AKT3: variants seen among roughly 807,000 people sequenced by gnomAD.
AKT3 encodes the protein RAC-gamma serine/threonine-protein kinase.
In AKT3, 15 loss-of-function variants were observed where a neutral mutation model predicts 65.3. The observed-to-expected ratio is 0.23, with a 90% CI of 0.15 to 0.35. The LOEUF is 0.35. Ranked by LOEUF, AKT3 falls within the 10% of genes least tolerant of loss-of-function variation. The pLI, the probability that AKT3 is intolerant of heterozygous loss-of-function variation, is 1.00. For synonymous variants in AKT3, 206 were observed against 183.8 expected (o/e 1.12, Z -0.98); for missense variants, 243 against 576.5 (o/e 0.42, Z 5.92).
At chr1:243,577,428 T>G (rs1675022483) in intron 8 of AKT3, among the ~76,000 whole-genome samples, 1 of 152,132 alleles carries the variant, frequency 6.6e-6, no homozygotes, top group Non-Finnish European at 1.5e-5. Flanking sequence ...ATTACAGGCA[T>G]GAGCCACTGC....
chr1:243,547,714 T>C (rs981438924), intron 11 of AKT3, among the ~76,000 whole-genome samples: 1 of 152,178 alleles, frequency 6.6e-6, no homozygotes, highest in African/African-American at 2.4e-5. Flanking sequence ...GAATTCTGGT[T>C]ATTAGATCTA....
chr1:243,681,054 G>C (rs1435219119), intron 3 of AKT3, among the ~76,000 whole-genome samples: 1 of 152,044 alleles, frequency 6.6e-6, no homozygotes, highest in African/African-American at 2.4e-5. Flanking sequence ...GTAGGAATAT[G>C]GAAAAAGCAC....
chr1:243,668,733 C>A (rs1455527007), intron 3 of AKT3, among the ~76,000 whole-genome samples: 1 of 152,114 alleles, frequency 6.6e-6, no homozygotes, highest in Non-Finnish European at 1.5e-5. Context: ...TTAAGCAAGG[C>A]TGTACTTTAA....
intron 2 of AKT3, among the ~76,000 whole-genome samples, chr1:243,813,920 T>C (rs990199810): frequency 6.6e-6 from 1 of 152,002 alleles, no homozygotes; most frequent in African/African-American, 2.4e-5. Flanking sequence ...GCCTGGACAA[T>C]CTAGTGAGAC....
intron 2 of AKT3, among the ~76,000 whole-genome samples, chr1:243,835,331 G>A (rs1190509676): frequency 6.6e-6 from 1 of 152,116 alleles, no homozygotes; most frequent in Non-Finnish European, 1.5e-5. Flanking sequence ...TATTTTGAGG[G>A]TGGAGAGTGG....
At chr1:243,790,013 T>C (rs1691513632) in intron 2 of AKT3, among the ~76,000 whole-genome samples, 1 of 152,202 alleles carries the variant, frequency 6.6e-6, no homozygotes, top group African/African-American at 2.4e-5. Context: ...GGCTCTCTTT[T>C]TCCACTGATA....
intron 3 of AKT3, among the ~76,000 whole-genome samples, chr1:243,675,795 G>C (rs548548842): frequency 6.6e-6 from 1 of 151,960 alleles, no homozygotes; most frequent in African/African-American, 2.4e-5. Flanking sequence ...GACTTGCCTG[G>C]TTTTACTACC....
At chr1:243,664,956 G>GT in intron 3 of AKT3, 73 bp from the exon 4 acceptor site, 13 of 818,066 alleles carry the variant, frequency 1.6e-5, no homozygotes, top group Non-Finnish European at 2.1e-5. Flanking sequence ...GAGAACTACA[G>GT]AGTTCTATTT....
At chr1:243,663,160 T>C (rs1003356694) in intron 4 of AKT3, among the ~76,000 whole-genome samples, 2 of 152,242 alleles carry the variant, frequency 1.3e-5, no homozygotes, top group Admixed American at 6.5e-5. Context: ...CTGTCAAGAA[T>C]CTTCAAGTTT....
At chr1:243,645,570 C>G (rs1022003523) in intron 5 of AKT3, among the ~76,000 whole-genome samples, 1 of 152,060 alleles carries the variant, frequency 6.6e-6, no homozygotes, top group East Asian at 1.9e-4. Context: ...AACAAATCAT[C>G]AGGGAAAACA....
chr1:243,553,663 A>AT (rs1372409800), intron 10 of AKT3, among the ~76,000 whole-genome samples: 2 of 152,130 alleles, frequency 1.3e-5, no homozygotes, highest in Non-Finnish European at 2.9e-5. Flanking sequence ...ATGTCCTTAA[A>AT]TTTTTCCCAA....
chr1:243,495,838 T>G (rs1287428290), downstream of AKT3, among the ~76,000 whole-genome samples: 2 of 152,194 alleles, frequency 1.3e-5, no homozygotes, highest in African/African-American at 2.4e-5. Flanking sequence ...ATTTGGCAGC[T>G]TAATTCCGTA....
chr1:243,589,579 T>C (rs1238899511), intron 8 of AKT3, among the ~76,000 whole-genome samples: 1 of 152,132 alleles, frequency 6.6e-6, no homozygotes, highest in Non-Finnish European at 1.5e-5. Context: ...TGTGCACTGT[T>C]GGTGGGAATG....
Position 243,500,692 on chromosome 1 carries a change from C to CTCA in AKT3, c.*4554_*4556dup, listed in dbSNP as rs1436998882. ...CCTGCCTGGCCAGCGAGCCATCATC[C>CTCA]TCATCACCATCTCAACACAGAGCTG... On this transcript the variant is annotated 3_prime_UTR_variant, in exon 14 of 14. Transcript: ENST00000673466. The CTCA allele has an allele frequency of 4.3e-6, 1 of 229,994 alleles. No homozygotes were observed. The highest frequency in any genetic ancestry group is 8.6e-6 in the Non-Finnish European group (1 of 116,164). 14.2% of individuals were successfully genotyped at this position (229,994 alleles called of 1,614,324 possible).
At chr1:243,634,905 AGAAG>A (rs1679869335) in intron 6 of AKT3, among the ~76,000 whole-genome samples, 1 of 151,966 alleles carries the variant, frequency 6.6e-6, no homozygotes, top group East Asian at 1.9e-4. Flanking sequence ...CCAGAAAGAA[AGAAG>A]TAAGGCAACG....
intron 8 of AKT3, among the ~76,000 whole-genome samples, chr1:243,593,998 G>A (rs1374836033): frequency 1.3e-5 from 2 of 152,050 alleles, no homozygotes; most frequent in Non-Finnish European, 2.9e-5. Context: ...AAACAAGAAT[G>A]GAAGTAAAAC....
intron 2 of AKT3, among the ~76,000 whole-genome samples, chr1:243,820,317 C>T (rs1267630682): frequency 1.3e-5 from 2 of 152,154 alleles, no homozygotes; most frequent in African/African-American, 2.4e-5. Context: ...CCTCAAAGAT[C>T]GAAGCTGGAT....
At chr1:243,552,660 A>T (rs1673163150) in intron 11 of AKT3, 69 bp downstream of exon 11, 1 of 1,399,938 alleles carries the variant, frequency 7.1e-7, no homozygotes, top group African/African-American at 1.4e-5. Context: ...GTTATATTTG[A>T]ATTAATTTCC....
intron 3 of AKT3, among the ~76,000 whole-genome samples, chr1:243,691,740 A>C (rs577311410): frequency 5.9e-5 from 9 of 152,334 alleles, no homozygotes; most frequent in Admixed American, 5.2e-4. Context: ...CTGGTCAAAA[A>C]ATATCTAGGT....
Sources: gnomAD v4.1 joint callset for allele counts (sites outside exome capture counted in the v4.1 genomes callset) on GRCh38, gnomAD v4.1.1 for gene constraint, MANE v1.5 for transcripts, NCBI Gene and HGNC (gene_info 2026-07-23, HGNC 2026-07-21) for gene names.